DHX33: variants seen among roughly 807,000 people sequenced by gnomAD.
The protein encoded by DHX33 is DEAH-box helicase 33, also known as ATP-dependent RNA helicase DHX33.
Under a neutral mutation model 72.5 loss-of-function variants are expected in DHX33, and 42 were observed. That is an observed-to-expected ratio of 0.58 (90% CI 0.45 to 0.75). The LOEUF (loss-of-function observed/expected upper bound fraction) is 0.75, where lower values mean the gene tolerates loss of function less well. Among genes scored for constraint, DHX33 ranks in the 30% least tolerant of loss-of-function variants. DHX33 has a pLI of 0.00. For synonymous variants in DHX33, 358 were observed against 366.1 expected, an observed-to-expected ratio of 0.98 and a Z score of 0.25; for missense variants, 842 against 917.5, an observed-to-expected ratio of 0.92 and a Z score of 1.06.
chr17:5,449,214 A>C (rs903778304), intron 10 of DHX33, among the ~76,000 whole-genome samples: 11 of 152,252 alleles, frequency 7.2e-5, no homozygotes, highest in African/African-American at 2.4e-4. Context: ...ACTATAAGAA[A>C]AGTGTTAATA....
At chr17:5,450,677 G>T in intron 9 of DHX33, 130 bp downstream of exon 9, 1 of 1,381,054 alleles carries the variant, frequency 7.2e-7, no homozygotes, top group Non-Finnish European at 9.9e-7. Context: ...AGGGCTATTT[G>T]CAAACTAGGG....
At chr17:5,463,797 G>A in intron 1 of DHX33, 108 bp from the exon 2 acceptor site, 1 of 1,077,640 alleles carries the variant, frequency 9.3e-7, no homozygotes, top group Non-Finnish European at 1.3e-6. Flanking sequence ...GAGGTAGGAG[G>A]CTCTCTTGAG....
chr17:5,451,402 GC>G lies in DHX33; in HGVS notation c.1397-469del, dbSNP rs545348416. Among the ~76,000 whole-genome samples, 613 of 152,222 alleles carry G rather than the reference GC, an allele frequency of 4.0e-3. 3 individuals carry two copies. Among genetic ancestry groups the G allele is most frequent in the African/African-American group, 0.014 (568 of 41,536 alleles). On this transcript the variant is annotated intron_variant, in intron 8 of 11. Transcript: ENST00000225296. ...TTACAGGTGTGAGCCACCATGCCCA[GC>G]CTCAATTTTCTTTTTAAATGACCTG...
chr17:5,463,544 A>G lies in DHX33; in HGVS notation c.435T>C (p.Thr145=). 1.2e-6 allele frequency: 2 copies of G among 1,614,068 alleles called. No individual in the cohort carries two copies. Among genetic ancestry groups the G allele is most frequent in the Non-Finnish European group, 1.7e-6 (2 of 1,179,978 alleles). ...LATRVSDEKR[T]ELGKLVGYTV... ...AACCAGGTACCAGCTTCCCAAGTTC[A>G]GTTCTCTTCTCATCTGAGACTCTAG... The change falls in exon 2 of 12, where the codon ACT becomes ACC. Residue 145 remains threonine, a synonymous_variant. Transcript: ENST00000225296.
intron 10 of DHX33, 150 bp downstream of exon 10, chr17:5,450,053 G>T: frequency 1.1e-6 from 1 of 940,678 alleles, no homozygotes. Flanking sequence ...AAGCATTTCT[G>T]AAATGCTGTC....
intron 3 of DHX33, among the ~76,000 whole-genome samples, chr17:5,461,936 C>CT (rs35332211): frequency 0.16 from 18,648 of 113,640 alleles, 2,460 homozygotes; most frequent in African/African-American, 0.27. Flanking sequence ...TGAACTTTCA[C>CT]TTTTTTTTTT....
At chr17:5,460,140 G>A (rs934004065) in intron 4 of DHX33, among the ~76,000 whole-genome samples, 9 of 150,408 alleles carry the variant, frequency 6.0e-5, no homozygotes, top group African/African-American at 2.0e-4. Context: ...TCAGTCTCCC[G>A]AGTAGCTGGG....
chr17:5,444,539 G>C lies in DHX33; in HGVS notation c.1816-26C>G. ...CTGTTTCGGGAGAAAGCGAGGAATGGAGCCGACCCCACACGTAAACACTGG... is the reference window on the plus strand; with the variant it reads ...CTGTTTCGGGAGAAAGCGAGGAATGCAGCCGACCCCACACGTAAACACTGG... On this transcript the variant is annotated intron_variant, in intron 11 of 11. Coordinates refer to ENST00000225296, the MANE Select transcript of DHX33 (RefSeq NM_020162.4). The surrounding 1 kb of genome is among the most constrained non-coding windows in gnomAD (Gnocchi z 4.9). 6.2e-7 allele frequency: 1 copy of C among 1,603,826 alleles called. No homozygotes were observed. The highest frequency in any genetic ancestry group is 8.5e-7 in the Non-Finnish European group (1 of 1,174,748).
intron 11 of DHX33, among the ~76,000 whole-genome samples, chr17:5,448,004 C>T (rs564375870): frequency 6.6e-6 from 1 of 152,098 alleles, no homozygotes; most frequent in Non-Finnish European, 1.5e-5. Flanking sequence ...CGTGGTGAAA[C>T]CCCGTCTCTA....
chr17:5,462,653 A>G (rs1597364263), intron 2 of DHX33, 107 bp from the exon 3 acceptor site: 2 of 744,732 alleles, frequency 2.7e-6, no homozygotes, highest in East Asian at 5.0e-5. Flanking sequence ...GACCAACACC[A>G]ACGCTTCCCA....
rs1300193562 is a variant in DHX33, at chr17:5,468,687, G to A, written c.173C>T (p.Pro58Leu). ...AGCTTCAGGGTAGGGACTGGCCGAGGGCTGGGCCAGGGGCGGCTGCTGCCT... is the reference window on the plus strand; with the variant it reads ...AGCTTCAGGGTAGGGACTGGCCGAGAGCTGGGCCAGGGGCGGCTGCTGCCT... Reference protein sequence around the residue: ...GRRQQPPLAQPSASPYPEAVE... With the variant: ...GRRQQPPLAQLSASPYPEAVE... Residue 58 changes from proline to leucine, a missense_variant, in exon 1 of 12, where the codon CCC becomes CTC. Physicochemically the swap from Pro to Leu is moderately conservative, Grantham distance 98. Transcript: ENST00000225296. The A allele has an allele frequency of 2.5e-6, 4 of 1,612,074 alleles. No homozygotes were observed. The highest frequency in any genetic ancestry group is 3.4e-6 in the Non-Finnish European group (4 of 1,179,588).
chr17:5,458,161 G>A (rs1319572428), intron 4 of DHX33, among the ~76,000 whole-genome samples: 2 of 152,078 alleles, frequency 1.3e-5, no homozygotes, highest in Admixed American at 6.6e-5. Context: ...GTCTCACCAC[G>A]GGAAAATGGT....
Position 5,444,174 on chromosome 17 carries a change from A to G in DHX33, c.*31T>C. ...ACAACTGTAGTCCAAGCTCCCAGGG[A>G]CCAGTGATTCTGGCGGCATCCTGGG... On this transcript the variant is annotated 3_prime_UTR_variant, in exon 12 of 12. Coordinates refer to ENST00000225296, the MANE Select transcript of DHX33 (RefSeq NM_020162.4). This position sits in a 1 kb window ranked among gnomAD's most constrained non-coding sequence, Gnocchi z 4.9. The G allele has an allele frequency of 6.3e-7, 1 of 1,596,830 alleles. No homozygotes were observed. Among genetic ancestry groups the G allele is most frequent in the South Asian group, 1.1e-5 (1 of 88,280 alleles).
chr17:5,447,641 A>G (rs1311976517), intron 11 of DHX33, among the ~76,000 whole-genome samples: 1 of 152,032 alleles, frequency 6.6e-6, no homozygotes, highest in Admixed American at 6.6e-5. Context: ...AAAGAAAGGA[A>G]AAAAAACACT....
chr17:5,468,593 G>A lies in DHX33; in HGVS notation c.267C>T (p.Asn89=). 2 of 1,608,952 alleles carry A rather than the reference G, an allele frequency of 1.2e-6. No homozygotes were observed. The highest frequency in any genetic ancestry group is 1.1e-5 in the South Asian group (1 of 90,142). Residue 89 remains asparagine, a synonymous_variant, in exon 1 of 12, where the codon AAC becomes AAT. Coordinates refer to ENST00000225296, the MANE Select transcript of DHX33 (RefSeq NM_020162.4). ...ARGQLLAQLR[N]LDNAVLIGET... ...CACCGATGAGGACCGCGTTGTCCAG[G>A]TTTCGGAGCTGGGCCAACAGTTGCC...
intron 11 of DHX33, among the ~76,000 whole-genome samples, chr17:5,447,080 C>T (rs1011462018): frequency 4.6e-5 from 7 of 152,238 alleles, no homozygotes; most frequent in Non-Finnish European, 1.0e-4. Context: ...AACACACGGA[C>T]ACTGTCTCAG....
At chr17:5,463,463 G>T in intron 2 of DHX33, 66 bp downstream of exon 2, 1 of 1,495,242 alleles carries the variant, frequency 6.7e-7, no homozygotes, top group Non-Finnish European at 9.1e-7. Flanking sequence ...AAAAATAAAA[G>T]GCAGTGGGCA....
intron 5 of DHX33, 45 bp from the exon 6 acceptor site, chr17:5,455,316 G>A (rs1365198322): frequency 6.7e-7 from 1 of 1,490,178 alleles, no homozygotes; most frequent in East Asian, 2.3e-5. Flanking sequence ...ACACACGGAT[G>A]ATTCAGAAGT....
Position 5,455,036 on chromosome 17 carries a change from T to C in DHX33, c.1147+124A>G, listed in dbSNP as rs1917127062. 3 of 846,678 alleles carry C rather than the reference T, an allele frequency of 3.5e-6. No homozygotes were observed. The South Asian group carries it at 4.7e-5, about 13-fold the overall frequency. 52.4% of individuals were successfully genotyped at this position (846,678 alleles called of 1,614,324 possible). A position where few individuals can be genotyped will look rare whatever the true frequency, so the allele number is the denominator to read the frequency against. ...CCTGGAGTGTAGGTGATCTCACTCA[T>C]GGCGCCTGCCACCTGAATTTGTTAG... On this transcript the variant is annotated intron_variant, in intron 6 of 11. Transcript: ENST00000225296.
Sources: allele counts gnomAD v4.1 joint callset (sites outside exome capture counted in the v4.1 genomes callset), GRCh38; gene constraint gnomAD v4.1.1; non-coding constraint Gnocchi (gnomAD v3.1); transcripts MANE v1.5; gene names NCBI Gene and HGNC (gene_info 2026-07-23, HGNC 2026-07-21).